Variants in SLC35F1 observed in about 807,000 individuals in gnomAD.
SLC35F1 encodes solute carrier family 35 member F1, also known as chromosome 6 open reading frame 169.
A neutral mutation model predicts 48.7 loss-of-function variants in SLC35F1; 14 were observed. The observed-to-expected ratio is 0.29, with a 90% CI of 0.19 to 0.45. SLC35F1 has a LOEUF of 0.45. Among genes scored for constraint, SLC35F1 ranks in the 20% least tolerant of loss-of-function variants. The pLI is 1.00. For missense variants in SLC35F1, 404 were observed against 500.0 expected, an observed-to-expected ratio of 0.81 and a Z score of 1.83; for synonymous variants, 190 against 202.2, an observed-to-expected ratio of 0.94 and a Z score of 0.51.
chr6:118,102,692 T>C (rs1773275582), intron 1 of SLC35F1, among the ~76,000 whole-genome samples: 1 of 152,370 alleles, frequency 6.6e-6, no homozygotes, highest in South Asian at 2.1e-4. Flanking sequence ...ATCCGTGGGC[T>C]TTGAGGCTAA....
chr6:118,097,326 A>G (rs1420307141), intron 1 of SLC35F1, among the ~76,000 whole-genome samples: 2 of 152,220 alleles, frequency 1.3e-5, no homozygotes, highest in African/African-American at 2.4e-5. Flanking sequence ...GAATGAATGA[A>G]TGAATGAATG....
intron 2 of SLC35F1, among the ~76,000 whole-genome samples, chr6:118,166,266 AG>A (rs751734687): frequency 6.6e-6 from 1 of 152,274 alleles, no homozygotes; most frequent in East Asian, 1.9e-4. Flanking sequence ...TCATTTGAGA[AG>A]GGGAGAAGGC....
intron 1 of SLC35F1, among the ~76,000 whole-genome samples, chr6:118,139,491 A>G (rs1377180567): frequency 2.0e-5 from 3 of 152,202 alleles, no homozygotes; most frequent in Admixed American, 6.5e-5. Context: ...GTAGACATGC[A>G]GAACTGGGAT....
At chr6:118,185,692 G>A (rs1468117094) in intron 2 of SLC35F1, among the ~76,000 whole-genome samples, 1 of 152,122 alleles carries the variant, frequency 6.6e-6, no homozygotes. Context: ...GCTGTGGCTT[G>A]CCACTCAGAC....
At chr6:118,222,273 C>T (rs1179117881) in intron 2 of SLC35F1, among the ~76,000 whole-genome samples, 1 of 152,148 alleles carries the variant, frequency 6.6e-6, no homozygotes, top group Non-Finnish European at 1.5e-5. Context: ...GAGTATCCAG[C>T]TTATAGCATA....
intron 4 of SLC35F1, among the ~76,000 whole-genome samples, chr6:118,274,154 C>T (rs934740929): frequency 6.6e-6 from 1 of 152,096 alleles, no homozygotes; most frequent in Non-Finnish European, 1.5e-5. Flanking sequence ...CCTTTCCATC[C>T]TCAACTTCCA....
intron 1 of SLC35F1, among the ~76,000 whole-genome samples, chr6:117,956,096 A>T (rs369179368): frequency 6.6e-6 from 1 of 152,058 alleles, no homozygotes; most frequent in Non-Finnish European, 1.5e-5. Flanking sequence ...AAGATTAAGA[A>T]CCTCCAACCA....
chr6:118,017,872 A>G (rs1013264289), intron 1 of SLC35F1, among the ~76,000 whole-genome samples: 4 of 152,196 alleles, frequency 2.6e-5, no homozygotes, highest in Non-Finnish European at 5.9e-5. Context: ...GTTACTTTAC[A>G]CTTTGCTTTT....
At chr6:118,078,870 C>T (rs1404354958) in intron 1 of SLC35F1, among the ~76,000 whole-genome samples, 1 of 152,080 alleles carries the variant, frequency 6.6e-6, no homozygotes. Flanking sequence ...ACTCAGCCTG[C>T]CTGAACACAG....
chr6:118,057,104 T>C (rs1026980123), intron 1 of SLC35F1, among the ~76,000 whole-genome samples: 10 of 152,138 alleles, frequency 6.6e-5, no homozygotes, highest in Admixed American at 2.6e-4. Flanking sequence ...CTCTGCCCCA[T>C]GTAAATTTAA....
chr6:117,970,296 C>T (rs1369056327), intron 1 of SLC35F1, among the ~76,000 whole-genome samples: 1 of 152,212 alleles, frequency 6.6e-6, no homozygotes, highest in East Asian at 1.9e-4. Flanking sequence ...ATAAGAACTA[C>T]TAACAGCCAC....
chr6:117,916,456 G>A (rs1775827057), intron 1 of SLC35F1, among the ~76,000 whole-genome samples: 1 of 152,080 alleles, frequency 6.6e-6, no homozygotes, highest in Non-Finnish European at 1.5e-5. Context: ...ATGGATGGGG[G>A]GAGCGGTTCC....
intron 1 of SLC35F1, among the ~76,000 whole-genome samples, chr6:118,046,662 C>T (rs1191413843): frequency 6.6e-6 from 1 of 152,026 alleles, no homozygotes; most frequent in Non-Finnish European, 1.5e-5. Flanking sequence ...TTGTATAGCT[C>T]CTAGGATAGT....
intron 1 of SLC35F1, among the ~76,000 whole-genome samples, chr6:117,957,870 C>T (rs373020963): frequency 3.3e-5 from 5 of 152,220 alleles, no homozygotes; most frequent in African/African-American, 1.2e-4. Context: ...TATGCATTTA[C>T]CATACTATGC....
intron 1 of SLC35F1, among the ~76,000 whole-genome samples, chr6:117,997,911 T>C (rs1443679556): frequency 6.6e-6 from 1 of 151,972 alleles, no homozygotes; most frequent in Non-Finnish European, 1.5e-5. Flanking sequence ...CAGGATCAAA[T>C]TCACACACAA....
At chr6:117,967,648 A>G (rs1015252176) in intron 1 of SLC35F1, among the ~76,000 whole-genome samples, 1 of 152,212 alleles carries the variant, frequency 6.6e-6, no homozygotes, top group African/African-American at 2.4e-5. Flanking sequence ...GTTAAGAACC[A>G]TTAATGTCCA....
At chr6:118,000,438 G>T (rs1468403652) in intron 1 of SLC35F1, among the ~76,000 whole-genome samples, 1 of 152,134 alleles carries the variant, frequency 6.6e-6, no homozygotes, top group Admixed American at 6.5e-5. Context: ...AGGCATTGAT[G>T]GGACATATCT....
At chr6:117,952,704 A>G (rs1776380161) in intron 1 of SLC35F1, among the ~76,000 whole-genome samples, 1 of 152,246 alleles carries the variant, frequency 6.6e-6, no homozygotes, top group African/African-American at 2.4e-5. Flanking sequence ...CCCAAAAGAC[A>G]AATCAAAAAC....
chr6:117,911,425 C>CCCTCCCTCCCTT (rs1554215714), intron 1 of SLC35F1, among the ~76,000 whole-genome samples: 2 of 122,492 alleles, frequency 1.6e-5, no homozygotes, highest in African/African-American at 7.6e-5. Flanking sequence ...CTCCCTCCCT[C>CCCTCCCTCCCTT]CCTTCCTTCC....
Sources: allele counts gnomAD v4.1 joint callset (sites outside exome capture counted in the v4.1 genomes callset), GRCh38; gene constraint gnomAD v4.1.1; transcripts MANE v1.5; gene names NCBI Gene and HGNC (gene_info 2026-07-23, HGNC 2026-07-21).